EYA1: variants seen among roughly 807,000 people sequenced by gnomAD.
EYA1 encodes the protein protein phosphatase EYA1.
Under a neutral mutation model 82.0 loss-of-function variants are expected in EYA1, and 16 were observed. The ratio of observed to expected loss-of-function variants is 0.20; its 90% CI spans 0.13 to 0.30. The LOEUF (loss-of-function observed/expected upper bound fraction) is 0.30, where lower values mean the gene tolerates loss of function less well. Ranked by LOEUF, EYA1 falls within the 10% of genes least tolerant of loss-of-function variation. The pLI is 1.00. For synonymous variants in EYA1, 261 were observed against 264.4 expected (o/e 0.99, Z 0.12); for missense variants, 633 against 730.7 (o/e 0.87, Z 1.54).
intron 12 of EYA1, among the ~76,000 whole-genome samples, chr8:71,239,610 A>C (rs549875762): frequency 1.3e-5 from 2 of 152,318 alleles, no homozygotes; most frequent in South Asian, 4.1e-4. Flanking sequence ...ATGTGTGTAC[A>C]TATACATAGG....
chr8:71,499,338 C>G (rs1811648032), intron 2 of EYA1, among the ~76,000 whole-genome samples: 1 of 152,168 alleles, frequency 6.6e-6, no homozygotes, highest in Non-Finnish European at 1.5e-5. Flanking sequence ...ATTGCTTACT[C>G]TATGCCAGAT....
intron 4 of EYA1, among the ~76,000 whole-genome samples, chr8:71,325,385 C>T (rs1048528445): frequency 2.0e-5 from 3 of 152,124 alleles, no homozygotes; most frequent in African/African-American, 7.2e-5. Context: ...TTATAACTAG[C>T]GTATGTAGTG....
intron 2 of EYA1, among the ~76,000 whole-genome samples, chr8:71,503,161 A>G (rs540231298): frequency 6.6e-6 from 1 of 152,264 alleles, no homozygotes; most frequent in Non-Finnish European, 1.5e-5. Flanking sequence ...ATAAAGCTCT[A>G]AAAACTATTC....
At chr8:71,359,479 T>G (rs921439204) in intron 1 of EYA1, among the ~76,000 whole-genome samples, 3 of 152,174 alleles carry the variant, frequency 2.0e-5, no homozygotes, top group African/African-American at 7.2e-5. Context: ...GAGCTCAGGA[T>G]GCAGAGCAAA....
chr8:71,359,054 A>G (rs1470561396), intron 1 of EYA1, among the ~76,000 whole-genome samples: 2 of 152,112 alleles, frequency 1.3e-5, no homozygotes, highest in African/African-American at 4.8e-5. Context: ...TTATATTACA[A>G]TCAAGTCATT....
rs112734950 is a variant in EYA1, at chr8:71,439,485, C to T, written c.34-82974G>A. Among the ~76,000 whole-genome samples the T allele has an allele frequency of 1.8e-3, 278 of 152,274 alleles. 3 individuals are homozygous for T. Among genetic ancestry groups the T allele is most frequent in the African/African-American group, 6.4e-3 (266 of 41,558 alleles). ...ACCAGCTGGTGTCCCAGGAAGCACC[C>T]TAAGAACTGTTAAATGTCTGAGCAT... On this transcript the variant is annotated intron_variant, in intron 2 of 18. Coordinates refer to the EYA1 transcript ENST00000643681.
intron 2 of EYA1, among the ~76,000 whole-genome samples, chr8:71,508,734 C>T (rs939942168): frequency 1.3e-5 from 2 of 152,114 alleles, no homozygotes; most frequent in Non-Finnish European, 2.9e-5. Flanking sequence ...TGTTCTCAGA[C>T]CTCCTAACCT....
chr8:71,231,296 C>T lies in EYA1; in HGVS notation c.1140+13307G>A, dbSNP rs140804325. On this transcript the variant is annotated intron_variant, in intron 12 of 17. Coordinates refer to ENST00000340726, the MANE Select transcript of EYA1 (RefSeq NM_000503.6). ...CTATAAGTTCTTTACTGGTTACCCT[C>T]GGCATCCATTGTAAAATCCAATTCC... Among the ~76,000 whole-genome samples the T allele has an allele frequency of 1.8e-4, 27 of 152,334 alleles. 1 individual carries two copies. The highest frequency in any genetic ancestry group is 3.4e-3 in the Middle Eastern group (1 of 294).
chr8:71,296,492 C>G (rs1196356397), intron 9 of EYA1, among the ~76,000 whole-genome samples: 1 of 151,204 alleles, frequency 6.6e-6, no homozygotes, highest in East Asian at 1.9e-4. Context: ...ATCACATATA[C>G]CTAGATTTGT....
intron 17 of EYA1, among the ~76,000 whole-genome samples, chr8:71,209,332 A>G (rs781243194): frequency 1.3e-5 from 2 of 152,228 alleles, no homozygotes; most frequent in African/African-American, 4.8e-5. Context: ...GAGGCACCCA[A>G]TGACACTAGT....
rs564975085 is a variant in EYA1 at position 71,451,691 on chromosome 8, A to G, written c.33+84053T>C. Among the ~76,000 whole-genome samples the G allele has an allele frequency of 7.2e-5, 11 of 152,342 alleles. No homozygotes were observed. The South Asian group carries it at 2.3e-3, about 32-fold the overall frequency. On this transcript the variant is annotated intron_variant, in intron 2 of 18. Transcript: ENST00000643681. ...AAACCTATCAGTTGGTGAAATGAAC[A>G]TATCTTCATTAATTACCTTTTCTGA...
intron 2 of EYA1, among the ~76,000 whole-genome samples, chr8:71,525,358 G>A (rs558205069): frequency 6.6e-5 from 10 of 152,258 alleles, no homozygotes; most frequent in African/African-American, 2.2e-4. Context: ...AATTTATGTC[G>A]TTTGAATTTG....
At chr8:71,413,144 A>C (rs1830694665) in intron 2 of EYA1, among the ~76,000 whole-genome samples, 1 of 152,252 alleles carries the variant, frequency 6.6e-6, no homozygotes, top group Non-Finnish European at 1.5e-5. Flanking sequence ...GTTCAGAAGC[A>C]GAATAAAATC....
chr8:71,368,370 CT>C (rs1827879793), intron 2 of EYA1, among the ~76,000 whole-genome samples: 1 of 152,024 alleles, frequency 6.6e-6, no homozygotes. Context: ...TAGCTTTGGC[CT>C]CTCGGGATTG....
intron 3 of EYA1, among the ~76,000 whole-genome samples, chr8:71,343,364 T>C (rs757934372): frequency 6.6e-6 from 1 of 152,202 alleles, no homozygotes; most frequent in African/African-American, 2.4e-5. Flanking sequence ...TAATCCCCGA[T>C]GTGTCAGTAT....
At chr8:71,257,759 C>T (rs997576768) in intron 11 of EYA1, among the ~76,000 whole-genome samples, 10 of 152,152 alleles carry the variant, frequency 6.6e-5, no homozygotes, top group Non-Finnish European at 7.4e-5. Flanking sequence ...TTAGCAATAG[C>T]GGTGTTGAAT....
At chr8:71,362,320 C>G, upstream of EYA1, 1 of 533,488 alleles carries the variant, frequency 1.9e-6, no homozygotes, top group Non-Finnish European at 2.4e-6. Context: ...ACGCGCCCCA[C>G]GCTATCTGAA....
At chr8:71,424,822 T>C (rs1831330268) in intron 2 of EYA1, among the ~76,000 whole-genome samples, 1 of 152,058 alleles carries the variant, frequency 6.6e-6, no homozygotes, top group Non-Finnish European at 1.5e-5. Context: ...ACATGTGACT[T>C]CCTTCCTGCG....
intron 2 of EYA1, among the ~76,000 whole-genome samples, chr8:71,435,439 T>C (rs1340662484): frequency 6.6e-6 from 1 of 152,042 alleles, no homozygotes; most frequent in Non-Finnish European, 1.5e-5. Context: ...TTTTTAAAAT[T>C]ATCTACTGAA....
Sources: allele counts gnomAD v4.1 joint callset (sites outside exome capture counted in the v4.1 genomes callset), GRCh38; gene constraint gnomAD v4.1.1; transcripts MANE v1.5; gene names NCBI Gene and HGNC (gene_info 2026-07-23, HGNC 2026-07-21).